Variants in PARPBP observed in about 807,000 individuals in gnomAD.
PARPBP encodes PCNA-interacting partner.
Under a neutral mutation model 50.0 loss-of-function variants are expected in PARPBP, and 52 were observed. The ratio of observed to expected loss-of-function variants is 1.04; its 90% CI spans 0.83 to 1.31. The LOEUF is 1.31. Among genes scored for constraint, PARPBP ranks in the 50% most tolerant of loss-of-function variants. The probability of loss-of-function intolerance (pLI) is 0.00; values close to 1 mark genes in which losing one functional copy is unlikely to be tolerated. For missense variants in PARPBP, 697 were observed against 672.0 expected (o/e 1.04, Z -0.41); for synonymous variants, 244 against 232.1 (o/e 1.05, Z -0.47).
At chr12:102,127,441 G>A (rs945100660) in intron 2 of PARPBP, among the ~76,000 whole-genome samples, 6 of 151,836 alleles carry the variant, frequency 4.0e-5, no homozygotes, top group African/African-American at 9.7e-5. Context: ...ATCAATGGAA[G>A]AGAGTGCCAT....
At chr12:102,166,389 T>C (rs1341524756) in intron 6 of PARPBP, among the ~76,000 whole-genome samples, 2 of 152,126 alleles carry the variant, frequency 1.3e-5, no homozygotes, top group Non-Finnish European at 2.9e-5. Context: ...CCATTTATAA[T>C]ATTGGTATAT....
rs1891386276 is a variant in PARPBP at position 102,197,176 on chromosome 12, A to G, written c.*885A>G. On this transcript the variant is annotated 3_prime_UTR_variant, in exon 11 of 11. Coordinates refer to ENST00000327680, the MANE Select transcript of PARPBP (RefSeq NM_017915.5). ...ATTATGTTTGGAGCCTGTGTTCTGT[A>G]AAGAGAAGGTTGATTTGGTTTTTAG... 6.2e-7 allele frequency: 1 copy of G among 1,608,066 alleles called. No homozygotes were observed. Among genetic ancestry groups the G allele is most frequent in the African/African-American group, 1.3e-5 (1 of 74,830 alleles).
intron 6 of PARPBP, among the ~76,000 whole-genome samples, chr12:102,175,237 A>T (rs1889147503): frequency 1.3e-5 from 2 of 152,222 alleles, no homozygotes; most frequent in Admixed American, 1.3e-4. Flanking sequence ...CATATAACTA[A>T]ATTATTTCCC....
intron 9 of PARPBP, among the ~76,000 whole-genome samples, chr12:102,192,804 A>G (rs902248821): frequency 6.6e-6 from 1 of 152,012 alleles, no homozygotes; most frequent in African/African-American, 2.4e-5. Flanking sequence ...AATCTCTAGT[A>G]TACGCTGTGC....
At chr12:102,181,847 T>A (rs11111196) in intron 8 of PARPBP, among the ~76,000 whole-genome samples, 28,678 of 152,092 alleles carry the variant, frequency 0.19, 2,752 homozygotes, top group Non-Finnish European at 0.21. Flanking sequence ...ACCAGCAGAT[T>A]TGGTGTCTGA....
At position 102,142,469 on chromosome 12, in the gene PARPBP, G is replaced by A. The variant is rs570278003; in HGVS notation, c.154-5761G>A. On this transcript the variant is annotated intron_variant, in intron 2 of 10. Transcript: ENST00000327680. The stretch of plus-strand genomic sequence containing the variant: ...TCAGATAAGTTTGTTATTACCAATC[G>A]TCTGAAGTCTTCTTCTCTCAACTCG... Among the ~76,000 whole-genome samples, 9 of 152,170 alleles carry A rather than the reference G, an allele frequency of 5.9e-5. No individual in the cohort carries two copies. In the South Asian group the frequency reaches 1.0e-3, roughly 18 times the overall value.
rs374400697 is a variant in PARPBP at position 102,164,853 on chromosome 12, A to G, written c.666+245A>G. On this transcript the variant is annotated intron_variant, in intron 5 of 10. Coordinates refer to ENST00000327680, the MANE Select transcript of PARPBP (RefSeq NM_017915.5). ...TGCTAGCCCTGATAAATTCTCTGTG[A>G]ATAAATGTTTCCAGTGTCAAAACGT... Among the ~76,000 whole-genome samples the G allele has an allele frequency of 2.6e-5, 4 of 152,198 alleles. No individual in the cohort carries two copies. The East Asian group carries it at 7.7e-4, about 29-fold the overall frequency.
In PARPBP at chr12:102,132,309, G is replaced by A. The variant is rs200774395; in HGVS notation, c.153+8268G>A. 3.3e-5 allele frequency among the ~76,000 whole-genome samples: 5 copies of A among 151,858 alleles called. No homozygotes were observed. The East Asian group carries it at 9.7e-4, about 29-fold the overall frequency. On this transcript the variant is annotated intron_variant, in intron 2 of 10. Coordinates refer to ENST00000327680, the MANE Select transcript of PARPBP (RefSeq NM_017915.5). The stretch of plus-strand genomic sequence containing the variant: ...TACCCCTGAACTTAAAAGTTCAAAA[G>A]AAAAAAATCCATTTTGAGTTGATTT...
intron 2 of PARPBP, among the ~76,000 whole-genome samples, chr12:102,137,188 C>T (rs1165035869): frequency 2.0e-5 from 3 of 152,090 alleles, no homozygotes; most frequent in African/African-American, 4.8e-5. Context: ...CTCCTGACTT[C>T]GTGATCCACC....
intron 9 of PARPBP, 122 bp downstream of exon 9, chr12:102,182,749 T>C (rs1257158711): frequency 1.4e-6 from 1 of 699,108 alleles, no homozygotes; most frequent in Non-Finnish European, 2.5e-6. Context: ...CAGTAGGAAT[T>C]AAATGGAAAA....
At chr12:102,139,802 T>A (rs567059275) in intron 2 of PARPBP, among the ~76,000 whole-genome samples, 1 of 152,318 alleles carries the variant, frequency 6.6e-6, no homozygotes, top group East Asian at 1.9e-4. Flanking sequence ...TTTGTGTATG[T>A]TGAACCAGGC....
rs1203695581 is a variant in PARPBP, at chr12:102,165,690, A to G, written c.667-39A>G. ...TATGAAGTAAATTACAGTTTAATAA[A>G]TCACTGGACATAACTTATCCGTTTG... On this transcript the variant is annotated intron_variant, in intron 5 of 10. Coordinates refer to ENST00000327680, the MANE Select transcript of PARPBP (RefSeq NM_017915.5). The G allele has an allele frequency of 6.0e-6, 9 of 1,496,848 alleles. No individual in the cohort carries two copies. The Admixed American group carries it at 1.2e-4, about 20-fold the overall frequency. 92.7% of individuals were successfully genotyped at this position (1,496,848 alleles called of 1,614,324 possible). A position where few individuals can be genotyped will look rare whatever the true frequency, so the allele number is the denominator to read the frequency against.
In PARPBP at chr12:102,181,073, C is replaced by T. The variant is rs185249929; in HGVS notation, c.1185-1476C>T. On this transcript the variant is annotated intron_variant, in intron 8 of 10. Coordinates refer to ENST00000327680, the MANE Select transcript of PARPBP (RefSeq NM_017915.5). ...TCTTCTCCTTTTTACCTTCTCTGAC[C>T]CTCCTATTTCTATGTTTTTCTCTTT... is the stretch of plus-strand genomic sequence containing the variant. Among the ~76,000 whole-genome samples, 264 of 152,124 alleles carry T rather than the reference C, an allele frequency of 1.7e-3. 2 individuals are homozygous for T. The highest frequency in any genetic ancestry group is 0.014 in the Middle Eastern group (4 of 294).
chr12:102,175,710 T>C (rs1889205463), intron 7 of PARPBP, 44 bp downstream of exon 7: 1 of 1,208,774 alleles, frequency 8.3e-7, no homozygotes, highest in Non-Finnish European at 1.2e-6. Context: ...TACAAATCAT[T>C]ATCTCTTCTA....
Position 102,148,443 on chromosome 12 carries a change from A to T in PARPBP, c.367A>T (p.Asn123Tyr). Residue 123 changes from asparagine to tyrosine, a missense_variant, in exon 3 of 11, where the codon AAT becomes TAT. Coordinates refer to ENST00000327680, the MANE Select transcript of PARPBP (RefSeq NM_017915.5). ...TAGGGCTTTGACTTCTAATTGTGAA[A>T]ATTATAACACAGTATCTCCTGTAAG... is the stretch of plus-strand genomic sequence containing the variant. ...KCRALTSNCENYNTVSPSQLL... is the reference protein window; with the variant it reads ...KCRALTSNCEYYNTVSPSQLL... 1.4e-6 allele frequency: 2 copies of T among 1,396,612 alleles called. No homozygotes were observed. Among genetic ancestry groups the T allele is most frequent in the Non-Finnish European group, 1.0e-6 (1 of 988,082 alleles). 86.5% of individuals were successfully genotyped at this position (1,396,612 alleles called of 1,614,324 possible). A position where few individuals can be genotyped will look rare whatever the true frequency, so the allele number is the denominator to read the frequency against.
At chr12:102,194,508 A>G (rs1429929063) in intron 9 of PARPBP, among the ~76,000 whole-genome samples, 1 of 151,920 alleles carries the variant, frequency 6.6e-6, no homozygotes. Context: ...TCTATCCCCA[A>G]TAGCTCACTG....
chr12:102,195,899 A>G, intron 10 of PARPBP, 52 bp from the exon 11 acceptor site: 1 of 1,184,930 alleles, frequency 8.4e-7, no homozygotes, highest in Non-Finnish European at 1.2e-6. Context: ...TCTCGTAAAT[A>G]TTAATACTCA....
intron 2 of PARPBP, among the ~76,000 whole-genome samples, chr12:102,136,139 A>C (rs930926248): frequency 1.3e-5 from 2 of 152,232 alleles, no homozygotes; most frequent in Non-Finnish European, 2.9e-5. Context: ...GGCATGTGCC[A>C]TTGTTCACTC....
intron 3 of PARPBP, among the ~76,000 whole-genome samples, chr12:102,149,947 G>T (rs1885962722): frequency 6.6e-6 from 1 of 152,176 alleles, no homozygotes; most frequent in African/African-American, 2.4e-5. Context: ...GTACTGGATT[G>T]TAGGACAACA....
Sources: gnomAD v4.1 joint callset for allele counts (sites outside exome capture counted in the v4.1 genomes callset) on GRCh38, gnomAD v4.1.1 for gene constraint, MANE v1.5 for transcripts, NCBI Gene and HGNC (gene_info 2026-07-23, HGNC 2026-07-21) for gene names.